Variants in GABRB3 observed in about 807,000 individuals in gnomAD.
GABRB3 encodes the protein gamma-aminobutyric acid receptor subunit beta-3.
A neutral mutation model predicts 52.1 loss-of-function variants in GABRB3; 14 were observed. The observed-to-expected ratio is 0.27, with a 90% CI of 0.18 to 0.42. The LOEUF (loss-of-function observed/expected upper bound fraction) is 0.42, where lower values mean the gene tolerates loss of function less well. Among genes scored for constraint, GABRB3 ranks in the 10% least tolerant of loss-of-function variants. The pLI, the probability that GABRB3 is intolerant of heterozygous loss-of-function variation, is 1.00. For missense variants in GABRB3, 307 were observed against 609.1 expected, an observed-to-expected ratio of 0.50 and a Z score of 5.22; for synonymous variants, 260 against 232.3, an observed-to-expected ratio of 1.12 and a Z score of -1.08.
chr15:26,741,727 G>T (rs1026497660), intron 3 of GABRB3, among the ~76,000 whole-genome samples: 1 of 152,120 alleles, frequency 6.6e-6, no homozygotes, highest in Non-Finnish European at 1.5e-5. Flanking sequence ...TCCTGCCTCA[G>T]CCTCCCGAGT....
chr15:26,598,599 G>C (rs1434237759), intron 4 of GABRB3, among the ~76,000 whole-genome samples: 1 of 152,156 alleles, frequency 6.6e-6, no homozygotes. Context: ...CAAGTCAGCA[G>C]GATGCCAGAT....
At chr15:26,773,074 A>T, upstream of GABRB3, 2 of 1,030,672 alleles carry the variant, frequency 1.9e-6, no homozygotes, top group Non-Finnish European at 2.3e-6. Context: ...GCTGGCCCGG[A>T]GCGGAGGAGG....
In GABRB3 at chr15:26,772,425, C is replaced by G. The variant is rs768859258; in HGVS notation, c.217G>C (p.Asp73His). Residue 73 changes from aspartate (D) to histidine (H), a missense_variant, in exon 3 of 9, where the codon GAC (aspartate) becomes CAC (histidine). Asp to His is a moderately conservative substitution (Grantham distance 81). Transcript: ENST00000311550. ...ACCATGTTGACTTCGGAAACCATGTCGATGCTGGCGATGTCGATGTTCATC... is the reference window on the plus strand; with the variant it reads ...ACCATGTTGACTTCGGAAACCATGTGGATGCTGGCGATGTCGATGTTCATC... ...VGMNIDIASI[D>H]MVSEVNMDYT... 2.5e-6 allele frequency: 4 copies of G among 1,610,252 alleles called. No individual in the cohort carries two copies. The highest frequency in any genetic ancestry group is 1.3e-5 in the African/African-American group (1 of 74,830).
chr15:26,640,663 G>A (rs752127309), intron 3 of GABRB3, among the ~76,000 whole-genome samples: 5 of 152,002 alleles, frequency 3.3e-5, no homozygotes, highest in African/African-American at 4.8e-5. Context: ...GCCTCAAGTT[G>A]GATAGCAGCT....
intron 3 of GABRB3, among the ~76,000 whole-genome samples, chr15:26,674,506 GA>G (rs200798361): frequency 0.012 from 1,786 of 149,274 alleles, 37 homozygotes; most frequent in African/African-American, 0.042. Context: ...AAAGGAAAAG[GA>G]AAAAAAAGAA....
intron 3 of GABRB3, among the ~76,000 whole-genome samples, chr15:26,766,967 G>C (rs867922958): frequency 6.6e-6 from 1 of 152,074 alleles, no homozygotes; most frequent in African/African-American, 2.4e-5. Flanking sequence ...TCTCTATACC[G>C]TACGTTCTAA....
At chr15:26,772,850 G>A in intron 1 of GABRB3, 33 bp downstream of exon 1, 1 of 1,448,066 alleles carries the variant, frequency 6.9e-7, no homozygotes, top group Non-Finnish European at 9.1e-7. Context: ...CCCGCGCCCT[G>A]CCCGCCGCCC....
chr15:26,571,028 G>A (rs1452801424), intron 6 of GABRB3, among the ~76,000 whole-genome samples: 1 of 152,086 alleles, frequency 6.6e-6, no homozygotes, highest in Non-Finnish European at 1.5e-5. Context: ...CTCTTTAGTT[G>A]AGCTTAATAC....
At chr15:26,636,959 T>C (rs1893077698) in intron 3 of GABRB3, among the ~76,000 whole-genome samples, 1 of 152,094 alleles carries the variant, frequency 6.6e-6, no homozygotes. Flanking sequence ...CCTAACTGGG[T>C]CCTTGCACTC....
intron 4 of GABRB3, among the ~76,000 whole-genome samples, chr15:26,586,397 A>ACACACACACACAC: frequency 7.2e-6 from 1 of 138,012 alleles, no homozygotes. Flanking sequence ...AACCACCCCT[A>ACACACACACACAC]ACACACACAC....
At chr15:26,772,128 G>A (rs774313933) in intron 3 of GABRB3, 20 of 373,424 alleles carry the variant, frequency 5.4e-5, no homozygotes, top group Non-Finnish European at 9.5e-5. Context: ...GGGAGCCCAC[G>A]GGCAGCGGCA....
At chr15:26,600,526 C>A (rs1891551133) in intron 4 of GABRB3, among the ~76,000 whole-genome samples, 1 of 152,136 alleles carries the variant, frequency 6.6e-6, no homozygotes, top group Non-Finnish European at 1.5e-5. Flanking sequence ...ATACGACTAT[C>A]AGCAGACTTA....
intron 3 of GABRB3, among the ~76,000 whole-genome samples, chr15:26,732,292 AGATGGATG>A (rs5811444): frequency 0.029 from 4,333 of 146,884 alleles, 82 homozygotes; most frequent in Middle Eastern, 0.055. Flanking sequence ...ATGGATGGAT[AGATGGATG>A]GATGGATGGA....
At chr15:26,574,554 A>G (rs947893218) in intron 6 of GABRB3, among the ~76,000 whole-genome samples, 3 of 152,200 alleles carry the variant, frequency 2.0e-5, no homozygotes, top group Admixed American at 1.3e-4. Context: ...AATGCAGTAT[A>G]TTTCTTCGGC....
intron 3 of GABRB3, among the ~76,000 whole-genome samples, chr15:26,708,551 A>C (rs1889180117): frequency 1.3e-5 from 2 of 152,226 alleles, no homozygotes; most frequent in Non-Finnish European, 2.9e-5. Context: ...GAGAGGAGCT[A>C]TATGGGAGGG....
intron 3 of GABRB3, among the ~76,000 whole-genome samples, chr15:26,706,821 C>T (rs61998733): frequency 0.13 from 20,307 of 152,164 alleles, 1,498 homozygotes; most frequent in Non-Finnish European, 0.17. Context: ...TAAATCTGTA[C>T]ACAGATATTC....
chr15:26,688,998 T>G (rs1437674838), intron 3 of GABRB3, among the ~76,000 whole-genome samples: 1 of 152,212 alleles, frequency 6.6e-6, no homozygotes, highest in Non-Finnish European at 1.5e-5. Context: ...TTTTAAAAGG[T>G]TCACAGAGAT....
intron 3 of GABRB3, among the ~76,000 whole-genome samples, chr15:26,771,668 C>T (rs924538215): frequency 2.6e-5 from 4 of 152,190 alleles, no homozygotes; most frequent in Admixed American, 6.5e-5. Flanking sequence ...GGGTACTGAC[C>T]TCCGCTTCCC....
At chr15:26,687,649 C>T (rs1888449276) in intron 3 of GABRB3, among the ~76,000 whole-genome samples, 1 of 152,156 alleles carries the variant, frequency 6.6e-6, no homozygotes, top group Non-Finnish European at 1.5e-5. Flanking sequence ...ACCATCACAT[C>T]CTTTGTTTTG....
Sources: gnomAD v4.1 joint callset for allele counts (sites outside exome capture counted in the v4.1 genomes callset) on GRCh38, gnomAD v4.1.1 for gene constraint, MANE v1.5 for transcripts, NCBI Gene and HGNC (gene_info 2026-07-23, HGNC 2026-07-21) for gene names.